Variants in PDE1C observed in about 807,000 individuals in gnomAD.
PDE1C encodes dual specificity calcium/calmodulin-dependent 3',5'-cyclic nucleotide phosphodiesterase 1C.
In PDE1C, 62 loss-of-function variants were observed where a neutral mutation model predicts 93.1. That is an observed-to-expected ratio of 0.67 (90% CI 0.54 to 0.82). The LOEUF is 0.82. Among genes scored for constraint, PDE1C ranks in the 40% least tolerant of loss-of-function variants. The pLI is 0.00. For missense variants in PDE1C, 742 were observed against 884.6 expected, an observed-to-expected ratio of 0.84 and a Z score of 2.04; for synonymous variants, 325 against 310.1, an observed-to-expected ratio of 1.05 and a Z score of -0.50.
chr7:32,171,551 AT>A (rs1802653212), intron 2 of PDE1C, among the ~76,000 whole-genome samples: 2 of 149,526 alleles, frequency 1.3e-5, no homozygotes, highest in Non-Finnish European at 3.0e-5. Flanking sequence ...AAATTTTATT[AT>A]TTTAACAAAA....
At chr7:31,622,470 A>C in the PDE1C span, among the ~76,000 whole-genome samples, 1 of 150,600 alleles carries the variant, frequency 6.6e-6, no homozygotes, top group Non-Finnish European at 1.5e-5. Context: ...AAACTGCTCA[A>C]CTACATGGAA....
chr7:31,700,225 A>G, the PDE1C span, among the ~76,000 whole-genome samples: 8 of 152,356 alleles, frequency 5.3e-5, no homozygotes, highest in South Asian at 1.7e-3. Context: ...GAAGGAAATT[A>G]AAAGTTCTAC....
At chr7:31,936,122 A>T (rs1358779168) in intron 2 of PDE1C, among the ~76,000 whole-genome samples, 1 of 149,176 alleles carries the variant, frequency 6.7e-6, no homozygotes, top group Admixed American at 7.0e-5. Flanking sequence ...TCTGACAAAT[A>T]AGTTTTTTTC....
chr7:31,640,631 G>T, the PDE1C span, among the ~76,000 whole-genome samples: 1 of 146,366 alleles, frequency 6.8e-6, no homozygotes, highest in Admixed American at 6.9e-5. Context: ...GAGGTCCATT[G>T]TCTCGAAAAA....
the PDE1C span, chr7:31,658,197 T>C: frequency 7.5e-7 from 1 of 1,337,802 alleles, no homozygotes. Context: ...TATTCGTTTT[T>C]TAGCCCACAG....
intron 2 of PDE1C, among the ~76,000 whole-genome samples, chr7:31,996,600 C>T (rs1318652518): frequency 6.6e-6 from 1 of 152,110 alleles, no homozygotes; most frequent in Non-Finnish European, 1.5e-5. Context: ...GGGGCTTGTC[C>T]TACTAATGTC....
At chr7:31,720,759 TTTTG>T in the PDE1C span, among the ~76,000 whole-genome samples, 1 of 152,180 alleles carries the variant, frequency 6.6e-6, no homozygotes, top group Non-Finnish European at 1.5e-5. Flanking sequence ...CAGAGGATGC[TTTTG>T]TTTTTTTCTC....
chr7:31,839,800 G>T (rs1267278448), intron 9 of PDE1C, among the ~76,000 whole-genome samples: 2 of 152,336 alleles, frequency 1.3e-5, no homozygotes, highest in Non-Finnish European at 1.5e-5. Flanking sequence ...ACTTTGGGAG[G>T]CTGAGGCAGG....
Position 32,162,335 on chromosome 7 carries a change from C to T in PDE1C, c.308+7450G>A, listed in dbSNP as rs75055814. Among the ~76,000 whole-genome samples, 454 of 152,212 alleles carry T rather than the reference C, an allele frequency of 3.0e-3. 8 individuals carry two copies. Among genetic ancestry groups the T allele is most frequent in the East Asian group, 0.023 (118 of 5,164 alleles). Reference sequence around the variant, plus strand: ...CCAGTAGCATTGGAGCTATGCCCCCCGTGCCAAGCTAGAAGTGATGCACCA... The same window carrying T: ...CCAGTAGCATTGGAGCTATGCCCCCTGTGCCAAGCTAGAAGTGATGCACCA... On this transcript the variant is annotated intron_variant, in intron 3 of 18. Transcript: ENST00000396193.
upstream of PDE1C, among the ~76,000 whole-genome samples, chr7:32,074,652 G>A (rs1240643688): frequency 6.6e-6 from 1 of 152,096 alleles, no homozygotes; most frequent in Non-Finnish European, 1.5e-5. Flanking sequence ...ATGGATGAGG[G>A]GATCATTCAT....
At chr7:31,647,673 C>CAAAAAAAAAAAAAAAAAAAAAAAAAAA in the PDE1C span, among the ~76,000 whole-genome samples, 1 of 69,340 alleles carries the variant, frequency 1.4e-5, no homozygotes, top group Non-Finnish European at 2.8e-5. Flanking sequence ...GTCTCCGTCT[C>CAAAAAAAAAAAAAAAAAAAAAAAAAAA]AAAAAAAAAA....
chr7:31,703,514 T>C, the PDE1C span, among the ~76,000 whole-genome samples: 1 of 152,374 alleles, frequency 6.6e-6, no homozygotes, highest in East Asian at 1.9e-4. Context: ...AGCAAATCTC[T>C]ATATCATAAG....
intron 3 of PDE1C, among the ~76,000 whole-genome samples, chr7:32,138,790 A>G (rs188376144): frequency 3.3e-4 from 50 of 152,338 alleles, no homozygotes; most frequent in African/African-American, 1.1e-3. Context: ...ATGTTGACCC[A>G]TAGATCATTT....
chr7:32,318,995 G>T (rs1222351976), intron 1 of PDE1C, among the ~76,000 whole-genome samples: 2 of 152,220 alleles, frequency 1.3e-5, no homozygotes, highest in African/African-American at 4.8e-5. Context: ...CAAAAGAACC[G>T]GTGGTGATTG....
chr7:31,964,855 G>A (rs1178411916), intron 2 of PDE1C, among the ~76,000 whole-genome samples: 1 of 152,230 alleles, frequency 6.6e-6, no homozygotes, highest in Non-Finnish European at 1.5e-5. Context: ...AGGGTCTGGA[G>A]TGGACCTCCG....
At chr7:32,060,065 T>G (rs1157426223) in intron 1 of PDE1C, among the ~76,000 whole-genome samples, 1 of 152,230 alleles carries the variant, frequency 6.6e-6, no homozygotes, top group East Asian at 1.9e-4. Flanking sequence ...AAAGTAGATA[T>G]AAATCCAAAG....
At chr7:32,045,102 G>A (rs1209570595) in intron 2 of PDE1C, among the ~76,000 whole-genome samples, 1 of 124,038 alleles carries the variant, frequency 8.1e-6, no homozygotes, top group Non-Finnish European at 1.6e-5. Flanking sequence ...TGATACATTA[G>A]CAAGGGTAAG....
chr7:32,404,719 G>A (rs904709382), intron 1 of PDE1C, among the ~76,000 whole-genome samples: 7 of 152,100 alleles, frequency 4.6e-5, no homozygotes, highest in Non-Finnish European at 8.8e-5. Flanking sequence ...CTCTATGTGC[G>A]TGTGGGGTGG....
At chr7:32,377,845 C>T (rs188778138) in intron 1 of PDE1C, among the ~76,000 whole-genome samples, 1 of 152,240 alleles carries the variant, frequency 6.6e-6, no homozygotes, top group African/African-American at 2.4e-5. Flanking sequence ...GCAAACCAAG[C>T]GGCCCCAGAG....
Sources: allele counts gnomAD v4.1 joint callset (sites outside exome capture counted in the v4.1 genomes callset), GRCh38; gene constraint gnomAD v4.1.1; transcripts MANE v1.5; gene names NCBI Gene and HGNC (gene_info 2026-07-23, HGNC 2026-07-21).